Variants in IKBIP observed in about 807,000 individuals in gnomAD.
IKBIP encodes the protein IKBKB interacting protein.
A neutral mutation model predicts 31.0 loss-of-function variants in IKBIP; 28 were observed. That is an observed-to-expected ratio of 0.90 (90% CI 0.67 to 1.24). The LOEUF (loss-of-function observed/expected upper bound fraction) is 1.24. IKBIP is among the 50% of genes most tolerant of loss of function. The probability of loss-of-function intolerance (pLI) is 0.00; values close to 1 mark genes in which losing one functional copy is unlikely to be tolerated. For missense variants in IKBIP, 453 were observed against 441.9 expected, an observed-to-expected ratio of 1.03 and a Z score of -0.23; for synonymous variants, 164 against 160.3, an observed-to-expected ratio of 1.02 and a Z score of -0.17.
chr12:98,617,389 C>T (rs2097606876), intron 2 of IKBIP, among the ~76,000 whole-genome samples: 1 of 152,200 alleles, frequency 6.6e-6, no homozygotes, highest in Admixed American at 6.5e-5. Flanking sequence ...ACATTTGGAG[C>T]CACCCAAGTG....
In IKBIP at chr12:98,644,678, C is replaced by T. The variant is rs776987794; in HGVS notation, c.24G>A (p.Lys8=). The change falls in exon 1 of 3, where the codon AAG becomes AAA. Residue 8 remains lysine (K), a synonymous_variant. Coordinates refer to ENST00000299157, the MANE Select transcript of IKBIP (RefSeq NM_153687.4). MSEVKSR[K]KSGPKGAPAA... Reference sequence around the variant, plus strand: ...CAGGGGCTCCCTTGGGCCCCGACTTCTTCCGGCTCTTCACCTCAGACATGT... The same window carrying T: ...CAGGGGCTCCCTTGGGCCCCGACTTTTTCCGGCTCTTCACCTCAGACATGT... 5 of 1,610,202 alleles carry T rather than the reference C, an allele frequency of 3.1e-6. No individual in the cohort carries two copies. Among genetic ancestry groups the T allele is most frequent in the East Asian group, 4.5e-5 (2 of 44,624 alleles).
intron 2 of IKBIP, among the ~76,000 whole-genome samples, chr12:98,632,067 G>A (rs2097620706): frequency 6.6e-6 from 1 of 151,776 alleles, no homozygotes; most frequent in South Asian, 2.1e-4. Flanking sequence ...TGTTGGCCAG[G>A]CTGATCTCAA....
intron 1 of IKBIP, 134 bp from the exon 2 acceptor site, chr12:98,634,547 T>C (rs1205789306): frequency 3.5e-6 from 2 of 568,850 alleles, no homozygotes; most frequent in African/African-American, 3.8e-5. Context: ...TTTTTTTTTT[T>C]TTTTTCACAC....
At chr12:98,635,519 T>TG (rs2097624997) in intron 1 of IKBIP, among the ~76,000 whole-genome samples, 1 of 152,172 alleles carries the variant, frequency 6.6e-6, no homozygotes, top group African/African-American at 2.4e-5. Flanking sequence ...TAAGATGGTG[T>TG]GATATCTGTA....
intron 2 of IKBIP, among the ~76,000 whole-genome samples, chr12:98,618,837 TAACAC>T (rs1468798324): frequency 6.6e-6 from 1 of 152,188 alleles, no homozygotes; most frequent in Non-Finnish European, 1.5e-5. Flanking sequence ...TAGTTTTACT[TAACAC>T]AAATAAAAAT....
At chr12:98,623,035 A>G (rs2097611304), downstream of IKBIP, among the ~76,000 whole-genome samples, 1 of 150,768 alleles carries the variant, frequency 6.6e-6, no homozygotes, top group Admixed American at 6.6e-5. Flanking sequence ...GCTGTAGTGC[A>G]ATGGCGTGAT....
intron 1 of IKBIP, 36 bp downstream of exon 1, chr12:98,644,487 C>T (rs772565160): frequency 1.3e-6 from 2 of 1,538,626 alleles, no homozygotes; most frequent in South Asian, 1.2e-5. Context: ...AGGGGGCCCA[C>T]AGGAGGCCGG....
rs190471272 is a variant in IKBIP at position 98,643,366 on chromosome 12, T to C, written c.179+1157A>G. ...AGATGTCCAGGGTCTCTTCTAAAAT[T>C]CTATCACTCTGGAAGATTAACAACA... On this transcript the variant is annotated intron_variant, in intron 1 of 2. Coordinates refer to ENST00000299157, the MANE Select transcript of IKBIP (RefSeq NM_153687.4). Among the ~76,000 whole-genome samples, 233 of 152,292 alleles carry C rather than the reference T, an allele frequency of 1.5e-3. 1 individual carries two copies. Among genetic ancestry groups the C allele is most frequent in the Admixed American group, 3.1e-3 (48 of 15,302 alleles).
Position 98,644,768 on chromosome 12 carries a change from C to T in IKBIP, c.-67G>A. ...ACCAGGGGGAGCAGGACGTGGCCGC[C>T]TTGGCGTTCGTGGGAACCCTGGGCG... On this transcript the variant is annotated 5_prime_UTR_variant, in exon 1 of 3. Coordinates refer to ENST00000299157, the MANE Select transcript of IKBIP (RefSeq NM_153687.4). The T allele has an allele frequency of 3.2e-6, 5 of 1,545,284 alleles. No homozygotes were observed. Among genetic ancestry groups the T allele is most frequent in the Non-Finnish European group, 2.6e-6 (3 of 1,146,274 alleles).
At chr12:98,614,188 A>G (rs146907019) in exon 3 of IKBIP, 2 of 1,613,982 alleles carry the variant, frequency 1.2e-6, no homozygotes, top group African/African-American at 2.7e-5. Context: ...TGTCTTGAGA[A>G]AGCGTCGTCA....
downstream of IKBIP, among the ~76,000 whole-genome samples, chr12:98,619,590 A>G (rs2097608474): frequency 6.6e-6 from 1 of 152,120 alleles, no homozygotes; most frequent in Non-Finnish European, 1.5e-5. Context: ...TGGATAGAAG[A>G]GTTAGAGTCT....
At chr12:98,614,442 TGAGACAGAGGC>T in intron 2 of IKBIP, 2 of 669,548 alleles carry the variant, frequency 3.0e-6, no homozygotes, top group Non-Finnish European at 4.4e-6. Context: ...ATTTTTTTTT[TGAGACAGAGGC>T]TTGTTCTGTT....
chr12:98,634,887 T>C (rs2097624403), intron 1 of IKBIP, among the ~76,000 whole-genome samples: 1 of 151,792 alleles, frequency 6.6e-6, no homozygotes, highest in Admixed American at 6.6e-5. Context: ...TTTTTTGTAT[T>C]TTTAGTAAAG....
intron 2 of IKBIP, among the ~76,000 whole-genome samples, chr12:98,628,939 G>T (rs1176874262): frequency 5.9e-5 from 9 of 152,160 alleles, no homozygotes; most frequent in Non-Finnish European, 1.5e-5. Flanking sequence ...AGCACAGGGG[G>T]CAATGGATGC....
At chr12:98,632,620 ATTTTTTT>A (rs35887973) in intron 2 of IKBIP, among the ~76,000 whole-genome samples, 3 of 90,852 alleles carry the variant, frequency 3.3e-5, no homozygotes, top group African/African-American at 4.4e-5. Flanking sequence ...CCAGATTCCA[ATTTTTTT>A]TTTTTTTTTT....
chr12:98,630,846 C>G (rs945180307), intron 2 of IKBIP, among the ~76,000 whole-genome samples: 1 of 152,154 alleles, frequency 6.6e-6, no homozygotes, highest in Admixed American at 6.5e-5. Context: ...TTAGGGCCAC[C>G]TTTGTGAAAA....
In IKBIP at chr12:98,632,991, T is replaced by C. The variant is rs563373357; in HGVS notation, c.297+1305A>G. ...CTTTGCAGCTCCTTCCCCAAATCCC[T>C]TACACTCACCATCCATGGAATCCCC... On this transcript the variant is annotated intron_variant, in intron 2 of 2. Coordinates refer to ENST00000299157, the MANE Select transcript of IKBIP (RefSeq NM_153687.4). Among the ~76,000 whole-genome samples the C allele has an allele frequency of 2.8e-4, 42 of 152,188 alleles. No individual in the cohort carries two copies. In the South Asian group the frequency reaches 7.5e-3, roughly 27 times the overall value.
At chr12:98,632,483 GAAAAAAA>G (rs71081871) in intron 2 of IKBIP, among the ~76,000 whole-genome samples, 5 of 11,564 alleles carry the variant, frequency 4.3e-4, no homozygotes, top group African/African-American at 1.2e-3. Flanking sequence ...GACTCTATCT[GAAAAAAA>G]AAAAAAAAAA....
At position 98,634,186 on chromosome 12, in the gene IKBIP, A is replaced by C. The variant is rs2097623608; in HGVS notation, c.297+110T>G. 3 of 641,534 alleles carry C rather than the reference A, an allele frequency of 4.7e-6. No homozygotes were observed. The South Asian group carries it at 5.8e-5, about 13-fold the overall frequency. 39.7% of individuals were successfully genotyped at this position (641,534 alleles called of 1,614,324 possible). The stretch of plus-strand genomic sequence containing the variant: ...GGTAGGAAGATCAGTGAGAGTTAAA[A>C]TAGTGATGGTCTAAAAGGCAGGAAG... On this transcript the variant is annotated intron_variant, in intron 2 of 2. Coordinates refer to ENST00000299157, the MANE Select transcript of IKBIP (RefSeq NM_153687.4).
Sources: allele counts gnomAD v4.1 joint callset (sites outside exome capture counted in the v4.1 genomes callset), GRCh38; gene constraint gnomAD v4.1.1; transcripts MANE v1.5; gene names NCBI Gene and HGNC (gene_info 2026-07-23, HGNC 2026-07-21).